Variants in NPHS2 observed in about 807,000 individuals in gnomAD.
NPHS2 encodes NPHS2 stomatin family member, podocin, also known as podocin.
A neutral mutation model predicts 37.1 loss-of-function variants in NPHS2; 36 were observed. The observed-to-expected ratio is 0.97, with a 90% CI of 0.74 to 1.28. The LOEUF (loss-of-function observed/expected upper bound fraction) is 1.28. NPHS2 is among the 50% of genes most tolerant of loss of function. NPHS2 has a pLI of 0.00. For missense variants in NPHS2, 447 were observed against 488.1 expected (o/e 0.92, Z 0.79); for synonymous variants, 196 against 189.3 (o/e 1.04, Z -0.29).
intron 6 of NPHS2, 101 bp downstream of exon 6, chr1:179,554,375 T>G: frequency 7.3e-6 from 10 of 1,370,002 alleles, no homozygotes; most frequent in Non-Finnish European, 1.0e-5. Flanking sequence ...CTGATATGGC[T>G]ATAGTACTCA....
intron 1 of NPHS2, among the ~76,000 whole-genome samples, chr1:179,569,864 G>A (rs1434674170): frequency 3.3e-5 from 5 of 152,148 alleles, no homozygotes; most frequent in Non-Finnish European, 7.3e-5. Flanking sequence ...AATGTTGAAT[G>A]TAGGCCCCCA....
At chr1:179,551,585 A>G in intron 7 of NPHS2, 134 bp from the exon 8 acceptor site, 3 of 1,021,324 alleles carry the variant, frequency 2.9e-6, no homozygotes, top group Admixed American at 2.0e-5. Context: ...GAACATGTTT[A>G]TTCTTCTTTC....
chr1:179,575,808 A>G lies in NPHS2; in HGVS notation c.57T>C (p.Thr19=). 6.8e-7 allele frequency: 1 copy of G among 1,467,816 alleles called. No homozygotes were observed. The highest frequency in any genetic ancestry group is 8.9e-7 in the Non-Finnish European group (1 of 1,118,554). 90.9% of individuals were successfully genotyped at this position (1,467,816 alleles called of 1,614,324 possible). A position where few individuals can be genotyped will look rare whatever the true frequency, so the allele number is the denominator to read the frequency against. ...SRESRGRGGR[T]PHKENKRAKA... is the part of the protein sequence containing the mutation. ...TTGCCCTCTTGTTCTCCTTGTGCGGAGTCCTGCCGCCTCGCCCGCGGGACT... is the reference window on the plus strand; with the variant it reads ...TTGCCCTCTTGTTCTCCTTGTGCGGGGTCCTGCCGCCTCGCCCGCGGGACT... Residue 19 remains threonine (T), a synonymous_variant, in exon 1 of 8, where the codon ACT becomes ACC. Coordinates refer to ENST00000367615, the MANE Select transcript of NPHS2 (RefSeq NM_014625.4).
At chr1:179,570,312 C>G (rs755296197) in intron 1 of NPHS2, among the ~76,000 whole-genome samples, 1 of 152,116 alleles carries the variant, frequency 6.6e-6, no homozygotes, top group Non-Finnish European at 1.5e-5. Flanking sequence ...GCTGAGATCC[C>G]GGAACAGAGA....
intron 4 of NPHS2, among the ~76,000 whole-genome samples, chr1:179,558,491 C>T (rs925151512): frequency 6.6e-6 from 1 of 152,176 alleles, no homozygotes; most frequent in Non-Finnish European, 1.5e-5. Flanking sequence ...CATCAGTAGA[C>T]ACTTGGGTTG....
intron 3 of NPHS2, 134 bp downstream of exon 3, chr1:179,561,155 A>T (rs1674120710): frequency 1.3e-6 from 1 of 783,744 alleles, no homozygotes; most frequent in Non-Finnish European, 2.3e-6. Flanking sequence ...CCTATAAGTA[A>T]CAGATTGGAA....
At chr1:179,552,965 C>A (rs1673543570) in intron 6 of NPHS2, among the ~76,000 whole-genome samples, 1 of 152,200 alleles carries the variant, frequency 6.6e-6, no homozygotes, top group African/African-American at 2.4e-5. Flanking sequence ...AGTTTTTCCG[C>A]TTAGGATATA....
intron 2 of NPHS2, among the ~76,000 whole-genome samples, chr1:179,563,548 G>A (rs946648202): frequency 2.0e-5 from 3 of 152,092 alleles, no homozygotes; most frequent in African/African-American, 4.8e-5. Flanking sequence ...ATCATCTCCA[G>A]GATAGATAAT....
intron 6 of NPHS2, among the ~76,000 whole-genome samples, chr1:179,553,220 A>G (rs1171900737): frequency 2.6e-5 from 4 of 152,264 alleles, no homozygotes; most frequent in Non-Finnish European, 5.9e-5. Context: ...AAAGTTAAAT[A>G]CGGAGTTACC....
chr1:179,552,753 G>T, intron 6 of NPHS2, 72 bp from the exon 7 acceptor site: 4 of 1,168,962 alleles, frequency 3.4e-6, no homozygotes, highest in Non-Finnish European at 2.5e-6. Context: ...ACACAGACTT[G>T]CAAGCCTCTC....
In NPHS2 at chr1:179,556,279, GC is replaced by G. The variant is rs1471959880; in HGVS notation, c.738+747del. Among the ~76,000 whole-genome samples the G allele has an allele frequency of 6.6e-6, 1 of 152,162 alleles. No homozygotes were observed. Among genetic ancestry groups the G allele is most frequent in the African/African-American group, 2.4e-5 (1 of 41,440 alleles). On this transcript the variant is annotated intron_variant, in intron 5 of 7. Transcript: ENST00000367615. This position sits in a 1 kb window ranked among gnomAD's most constrained non-coding sequence, Gnocchi z 4.1. ...TCACAACCTCCTAACCCAGTTCTGG[GC>G]CTGGGTGTCCCCACTGCTTCAGTGA... is the stretch of plus-strand genomic sequence containing the variant.
chr1:179,568,884 G>A (rs962640237), intron 1 of NPHS2, among the ~76,000 whole-genome samples: 8 of 152,070 alleles, frequency 5.3e-5, no homozygotes, highest in Non-Finnish European at 1.2e-4. Context: ...TTAATCCTGA[G>A]TTCTAATTTG....
At position 179,552,706 on chromosome 1, in the gene NPHS2, G is replaced by A; in HGVS notation, c.795-25C>T. 1.9e-6 allele frequency: 3 copies of A among 1,588,990 alleles called. 1 individual carries two copies. The South Asian group carries it at 3.3e-5, about 18-fold the overall frequency. ...ACTGAAAAAGAAAGAATGCAGGTATGTAGGTGTGCAGCCATGATTTAGGGG... is the reference window on the plus strand; with the variant it reads ...ACTGAAAAAGAAAGAATGCAGGTATATAGGTGTGCAGCCATGATTTAGGGG... On this transcript the variant is annotated intron_variant, in intron 6 of 7. Coordinates refer to ENST00000367615, the MANE Select transcript of NPHS2 (RefSeq NM_014625.4).
intron 1 of NPHS2, among the ~76,000 whole-genome samples, chr1:179,566,928 C>T (rs577038481): frequency 6.6e-6 from 1 of 152,312 alleles, no homozygotes; most frequent in Admixed American, 6.5e-5. Context: ...GTCTATACCT[C>T]TGTTTTGGTA....
At chr1:179,552,705 T>G (rs1450346304) in intron 6 of NPHS2, 24 bp from the exon 7 acceptor site, 2 of 1,592,364 alleles carry the variant, frequency 1.3e-6, no homozygotes, top group Admixed American at 1.7e-5. Flanking sequence ...AATGCAGGTA[T>G]GTAGGTGTGC....
In NPHS2 at chr1:179,566,163, A is replaced by G. The variant is rs1433986574; in HGVS notation, c.275-1370T>C. Reference sequence around the variant, plus strand: ...GCCACACTGTCTTCCACAATGGTTGAACTAATTTACACTCCCACCAACAGT... The same window carrying G: ...GCCACACTGTCTTCCACAATGGTTGGACTAATTTACACTCCCACCAACAGT... On this transcript the variant is annotated intron_variant, in intron 1 of 7. Coordinates refer to ENST00000367615, the MANE Select transcript of NPHS2 (RefSeq NM_014625.4). Among the ~76,000 whole-genome samples, 9 of 152,368 alleles carry G rather than the reference A, an allele frequency of 5.9e-5. No individual in the cohort carries two copies. The Middle Eastern group carries it at 0.02, about 346-fold the overall frequency.
chr1:179,572,266 C>T, intron 1 of NPHS2, among the ~76,000 whole-genome samples: 1 of 152,226 alleles, frequency 6.6e-6, no homozygotes, highest in Non-Finnish European at 1.5e-5. Flanking sequence ...ATAACTTCCC[C>T]ATTCATTACA....
At position 179,550,957 on chromosome 1, in the gene NPHS2, C is replaced by G. The variant is rs1489276718; in HGVS notation, c.*216G>C. On this transcript the variant is annotated 3_prime_UTR_variant, in exon 8 of 8. Transcript: ENST00000367615. ...ACCAAAGCTGTTTCCCATAATTGCT[C>G]TGACTAGATGAGTCACGGAAACATG... 2 of 603,102 alleles carry G rather than the reference C, an allele frequency of 3.3e-6. No homozygotes were observed. The highest frequency in any genetic ancestry group is 3.7e-5 in the African/African-American group (2 of 53,998). 37.4% of individuals were successfully genotyped at this position (603,102 alleles called of 1,614,324 possible).
Position 179,564,692 on chromosome 1 carries a change from T to C in NPHS2, c.376A>G (p.Lys126Glu). Residue 126 changes from lysine (K) to glutamate (E), a missense_variant and splice_region_variant, in exon 2 of 8, where the codon AAG becomes GAG. By Grantham distance (56) the Lys-to-Glu change is moderately conservative. Coordinates refer to ENST00000367615, the MANE Select transcript of NPHS2 (RefSeq NM_014625.4). The part of the protein sequence containing the change: ...TFPFSIWFCV[K>E]VVQEYERVII... ...ATTGGGTCCTTATGGAATCTCACCT[T>C]TACGCAGAACCAGATGGAAAAAGGG... is the stretch of plus-strand genomic sequence containing the variant. The C allele has an allele frequency of 6.2e-7, 1 of 1,613,726 alleles. No individual in the cohort carries two copies. Among genetic ancestry groups the C allele is most frequent in the East Asian group, 2.2e-5 (1 of 44,860 alleles).
Sources: gnomAD v4.1 joint callset for allele counts (sites outside exome capture counted in the v4.1 genomes callset) on GRCh38, gnomAD v4.1.1 for gene constraint, Gnocchi (gnomAD v3.1) non-coding constraint, MANE v1.5 for transcripts, NCBI Gene and HGNC (gene_info 2026-07-23, HGNC 2026-07-21) for gene names.